Variants in ZFAT observed in about 807,000 individuals in gnomAD.
ZFAT encodes the protein zinc finger protein ZFAT.
In ZFAT, 64 loss-of-function variants were observed where a neutral mutation model predicts 117.7. That is an observed-to-expected ratio of 0.54 (90% CI 0.44 to 0.67). The LOEUF (loss-of-function observed/expected upper bound fraction) is 0.67. Ranked by LOEUF, ZFAT falls within the 30% of genes least tolerant of loss-of-function variation. ZFAT has a pLI of 0.00. For synonymous variants in ZFAT, 679 were observed against 615.0 expected, an observed-to-expected ratio of 1.10 and a Z score of -1.54; for missense variants, 1,433 against 1,584.5, an observed-to-expected ratio of 0.90 and a Z score of 1.62.
intron 11 of ZFAT, among the ~76,000 whole-genome samples, chr8:134,555,578 G>GT (rs1441031936): frequency 2.0e-5 from 3 of 151,952 alleles, no homozygotes; most frequent in Admixed American, 2.0e-4. Context: ...TCAGTCTACT[G>GT]TTTTTTCACA....
the ZFAT span, among the ~76,000 whole-genome samples, chr8:134,748,477 T>C: frequency 2.0e-5 from 3 of 152,232 alleles, no homozygotes; most frequent in African/African-American, 4.8e-5. Flanking sequence ...CTGTAATCTA[T>C]GGTATGAATA....
At chr8:134,538,199 GACAGAGGATA>G (rs1821979744) in intron 11 of ZFAT, among the ~76,000 whole-genome samples, 1 of 152,208 alleles carries the variant, frequency 6.6e-6, no homozygotes, top group Non-Finnish European at 1.5e-5. Context: ...GAAGAAGGAT[GACAGAGGATA>G]ACAGGTGTGG....
chr8:134,807,117 C>T, the ZFAT span, among the ~76,000 whole-genome samples: 2 of 152,318 alleles, frequency 1.3e-5, no homozygotes, highest in East Asian at 3.9e-4. Context: ...GAGCTACTGA[C>T]TGGAACAGTG....
chr8:134,540,347 T>C (rs1822162720), intron 11 of ZFAT, among the ~76,000 whole-genome samples: 1 of 152,222 alleles, frequency 6.6e-6, no homozygotes, highest in African/African-American at 2.4e-5. Context: ...TTACCCTCTC[T>C]ATCTCTCTTA....
chr8:134,497,080 G>A (rs745399029), intron 15 of ZFAT, among the ~76,000 whole-genome samples: 8 of 152,238 alleles, frequency 5.3e-5, no homozygotes, highest in South Asian at 2.1e-4. Flanking sequence ...CAGCACGGGC[G>A]GGGTAGGTCT....
chr8:134,627,752 G>A (rs192436540), intron 3 of ZFAT, among the ~76,000 whole-genome samples: 36 of 152,378 alleles, frequency 2.4e-4, no homozygotes, highest in African/African-American at 7.7e-4. Flanking sequence ...AGCACTTGCT[G>A]TGTGCCCGGC....
intron 13 of ZFAT, among the ~76,000 whole-genome samples, chr8:134,517,233 T>C (rs1233748057): frequency 2.0e-5 from 3 of 152,200 alleles, no homozygotes; most frequent in Non-Finnish European, 2.9e-5. Context: ...TTACTCACAA[T>C]GTTTAAGACT....
chr8:134,541,452 T>C (rs1822246365), intron 11 of ZFAT, among the ~76,000 whole-genome samples: 1 of 152,128 alleles, frequency 6.6e-6, no homozygotes, highest in African/African-American at 2.4e-5. Context: ...ATGCAGCCCC[T>C]TCACCCTGAA....
chr8:134,735,034 CT>C, the ZFAT span, among the ~76,000 whole-genome samples: 4 of 152,312 alleles, frequency 2.6e-5, no homozygotes, highest in East Asian at 7.7e-4. Context: ...TGCTTGTCAC[CT>C]GTTCCTACTC....
chr8:134,619,322 C>T (rs1586829253), intron 3 of ZFAT, among the ~76,000 whole-genome samples: 1 of 152,082 alleles, frequency 6.6e-6, no homozygotes, highest in Admixed American at 6.5e-5. Context: ...ATTCGAAGTA[C>T]AGTTTCTACT....
At chr8:134,793,218 A>G in the ZFAT span, 1 of 152,196 alleles carries the variant, frequency 6.6e-6, no homozygotes, top group Non-Finnish European at 1.5e-5. Context: ...GGGGCTCACA[A>G]TCTAAGAAGG....
chr8:134,601,935 T>A lies in ZFAT; in HGVS notation c.1784A>T (p.Asp595Val). Residue 595 changes from aspartate (D) to valine (V), a missense_variant, in exon 6 of 16, where the codon GAT becomes GTT. By Grantham distance (152) the Asp-to-Val change is radical. Coordinates refer to ENST00000377838, the MANE Select transcript of ZFAT (RefSeq NM_020863.4). ...SDLHSQEVVS[D>V]DFLLKNDTSS... The stretch of plus-strand genomic sequence containing the variant: ...GGTATCATTTTTCAACAAAAAATCA[T>A]CTGAAACCACCTCTTGAGAATGCAG... 3 of 1,614,120 alleles carry A rather than the reference T, an allele frequency of 1.9e-6. No homozygotes were observed. The highest frequency in any genetic ancestry group is 2.5e-6 in the Non-Finnish European group (3 of 1,180,004).
chr8:134,553,614 TAAAC>T (rs776368521), intron 11 of ZFAT, among the ~76,000 whole-genome samples: 3 of 152,084 alleles, frequency 2.0e-5, no homozygotes, highest in African/African-American at 4.8e-5. Flanking sequence ...CCAAGAATCT[TAAAC>T]AAAGTCATGA....
chr8:134,590,676 ACAC>A lies in ZFAT; in HGVS notation c.2476-324_2476-322del, dbSNP rs771365578. ...ACCACCACCAACACCACCACAACCAACACCACCACCACCAACAACAACACCACG... is the reference window on the plus strand; with the variant it reads ...ACCACCACCAACACCACCACAACCAACACCACCACCAACAACAACACCACG... On this transcript the variant is annotated intron_variant, in intron 7 of 15. Coordinates refer to ENST00000377838, the MANE Select transcript of ZFAT (RefSeq NM_020863.4). 1.5e-3 allele frequency among the ~76,000 whole-genome samples: 203 copies of A among 136,116 alleles called. 1 individual carries two copies. The highest frequency in any genetic ancestry group is 9.9e-3 in the East Asian group (44 of 4,458). The allele number at this position is 136,116 out of a possible 152,430, so 89.3% of individuals were successfully genotyped here. A position where few individuals can be genotyped will look rare whatever the true frequency, so the allele number is the denominator to read the frequency against.
upstream of ZFAT, among the ~76,000 whole-genome samples, chr8:134,714,646 T>C (rs1253900893): frequency 6.6e-6 from 1 of 152,208 alleles, no homozygotes; most frequent in Non-Finnish European, 1.5e-5. Context: ...TCCCCCTTCT[T>C]CATTTCATCC....
chr8:134,811,648 T>C, the ZFAT span, among the ~76,000 whole-genome samples: 1 of 152,286 alleles, frequency 6.6e-6, no homozygotes, highest in East Asian at 1.9e-4. Context: ...AATAGTATAA[T>C]TCTATTAATG....
At chr8:134,634,998 GT>G (rs1238811810) in intron 3 of ZFAT, among the ~76,000 whole-genome samples, 5 of 152,332 alleles carry the variant, frequency 3.3e-5, no homozygotes, top group Non-Finnish European at 7.4e-5. Context: ...GGCATGTGCA[GT>G]TTACAATAGG....
chr8:134,764,695 G>A, the ZFAT span: 1 of 152,284 alleles, frequency 6.6e-6, no homozygotes, highest in Admixed American at 6.5e-5. Flanking sequence ...TAAGTCTATT[G>A]TTTTGTATGC....
chr8:134,798,447 A>G, the ZFAT span, among the ~76,000 whole-genome samples: 2 of 152,124 alleles, frequency 1.3e-5, no homozygotes, highest in Non-Finnish European at 2.9e-5. Context: ...TATATTTACT[A>G]AAATTCTGTA....
Sources: gnomAD v4.1 joint callset for allele counts (sites outside exome capture counted in the v4.1 genomes callset) on GRCh38, gnomAD v4.1.1 for gene constraint, MANE v1.5 for transcripts, NCBI Gene and HGNC (gene_info 2026-07-23, HGNC 2026-07-21) for gene names.